MRAP2: variants seen among roughly 807,000 people sequenced by gnomAD.
MRAP2 encodes melanocortin-2 receptor accessory protein 2.
A neutral mutation model predicts 17.4 loss-of-function variants in MRAP2; 20 were observed. The ratio of observed to expected loss-of-function variants is 1.15; its 90% confidence interval spans 0.81 to 1.67. The LOEUF (loss-of-function observed/expected upper bound fraction) is 1.67. MRAP2 is among the 40% of genes most tolerant of loss of function. The pLI, the probability that MRAP2 is intolerant of heterozygous loss-of-function variation, is 0.00. For synonymous variants in MRAP2, 96 were observed against 88.4 expected, an observed-to-expected ratio of 1.09 and a Z score of -0.48; for missense variants, 238 against 240.0, an observed-to-expected ratio of 0.99 and a Z score of 0.05.
intron 3 of MRAP2, among the ~76,000 whole-genome samples, chr6:84,072,208 T>A (rs1460591767): frequency 6.6e-6 from 1 of 152,214 alleles, no homozygotes. Flanking sequence ...GTAGGCTCTG[T>A]CAGAGGGAAA....
chr6:84,056,593 G>A (rs2099491772), intron 2 of MRAP2, among the ~76,000 whole-genome samples: 1 of 152,192 alleles, frequency 6.6e-6, no homozygotes, highest in Admixed American at 6.5e-5. Context: ...GCTGTTGGGT[G>A]TGAAATCACC....
the MRAP2 span, among the ~76,000 whole-genome samples, chr6:84,145,348 A>G: frequency 6.6e-6 from 1 of 152,158 alleles, no homozygotes; most frequent in South Asian, 2.1e-4. Context: ...AGTTCCAGCA[A>G]AACAGACTTA....
At chr6:84,105,466 T>A in the MRAP2 span, among the ~76,000 whole-genome samples, 637 of 152,252 alleles carry the variant, frequency 4.2e-3, 3 homozygotes, top group Non-Finnish European at 5.4e-3. Flanking sequence ...TCAGATCTCA[T>A]GAGACTTATT....
At chr6:84,066,540 A>C (rs2099494744) in intron 3 of MRAP2, among the ~76,000 whole-genome samples, 1 of 152,156 alleles carries the variant, frequency 6.6e-6, no homozygotes, top group Non-Finnish European at 1.5e-5. Context: ...ACTAATTTTA[A>C]GTTTGCCTAT....
intron 1 of MRAP2, among the ~76,000 whole-genome samples, chr6:84,040,417 C>A (rs1290818325): frequency 6.6e-6 from 1 of 152,074 alleles, no homozygotes; most frequent in East Asian, 1.9e-4. Context: ...TTAAAGATAC[C>A]AGAAAATGTG....
the MRAP2 span, among the ~76,000 whole-genome samples, chr6:84,144,086 A>G: frequency 2.0e-3 from 311 of 152,116 alleles, no homozygotes; most frequent in African/African-American, 7.3e-3. Flanking sequence ...ACTTCCTCAA[A>G]TCAAATTATA....
chr6:84,117,879 CTTG>C, the MRAP2 span, among the ~76,000 whole-genome samples: 2 of 152,196 alleles, frequency 1.3e-5, no homozygotes, highest in African/African-American at 4.8e-5. Context: ...GGAATACTGA[CTTG>C]TTGTTGGGCC....
At chr6:84,139,226 G>A in the MRAP2 span, among the ~76,000 whole-genome samples, 17 of 152,304 alleles carry the variant, frequency 1.1e-4, no homozygotes, top group Middle Eastern at 3.4e-3. Flanking sequence ...AGAGGAATCT[G>A]CAGTACTCCA....
intron 3 of MRAP2, among the ~76,000 whole-genome samples, chr6:84,083,173 A>G (rs1433245434): frequency 6.6e-6 from 1 of 152,190 alleles, no homozygotes; most frequent in Non-Finnish European, 1.5e-5. Context: ...AAATCCCTCT[A>G]CACAAAAGTA....
intron 3 of MRAP2, among the ~76,000 whole-genome samples, chr6:84,080,881 T>G (rs1029735791): frequency 1.3e-5 from 2 of 152,240 alleles, no homozygotes; most frequent in Non-Finnish European, 2.9e-5. Flanking sequence ...GTGAGACTTG[T>G]TGTAACTATG....
intron 1 of MRAP2, 61 bp from the exon 2 acceptor site, chr6:84,055,251 G>GTAAC (rs2099491390): frequency 6.5e-7 from 1 of 1,549,918 alleles, no homozygotes; most frequent in African/African-American, 1.4e-5. Flanking sequence ...AGTAATTAAG[G>GTAAC]TAACTGTGCA....
At chr6:84,108,113 G>C in the MRAP2 span, among the ~76,000 whole-genome samples, 1,007 of 152,210 alleles carry the variant, frequency 6.6e-3, 8 homozygotes, top group African/African-American at 0.023. Flanking sequence ...GGTCCTGTGG[G>C]GATATGATGA....
intron 1 of MRAP2, among the ~76,000 whole-genome samples, chr6:84,041,254 G>A (rs1054574568): frequency 1.3e-5 from 2 of 152,236 alleles, no homozygotes; most frequent in African/African-American, 2.4e-5. Flanking sequence ...GTCAAGAATT[G>A]AGGTTTGGGA....
intron 3 of MRAP2, among the ~76,000 whole-genome samples, chr6:84,083,877 G>A (rs912140153): frequency 5.9e-5 from 9 of 152,080 alleles, no homozygotes; most frequent in South Asian, 4.2e-4. Flanking sequence ...TCTCGCTTTC[G>A]TCTGGATATT....
the MRAP2 span, among the ~76,000 whole-genome samples, chr6:84,121,077 A>ATTTT: frequency 7.0e-6 from 1 of 141,892 alleles, no homozygotes; most frequent in Non-Finnish European, 1.5e-5. Context: ...TTATTTTTTA[A>ATTTT]TTTTTTTTTT....
the MRAP2 span, among the ~76,000 whole-genome samples, chr6:84,141,613 G>A: frequency 6.6e-6 from 1 of 152,132 alleles, no homozygotes; most frequent in South Asian, 2.1e-4. Context: ...ATGCCCAGCT[G>A]CCTACTAACT....
At chr6:84,113,864 GA>G in the MRAP2 span, among the ~76,000 whole-genome samples, 1 of 152,202 alleles carries the variant, frequency 6.6e-6, no homozygotes, top group Non-Finnish European at 1.5e-5. Context: ...GGCTAGAAAT[GA>G]AATTCTGGCT....
the MRAP2 span, among the ~76,000 whole-genome samples, chr6:84,098,283 A>G: frequency 6.6e-6 from 1 of 152,160 alleles, no homozygotes; most frequent in Admixed American, 6.5e-5. Context: ...GTGTGTATCA[A>G]TAGTTCATTC....
rs1269154979 is a variant in MRAP2, at chr6:84,063,320, A to C, written c.227+328A>C. 3 of 985,020 alleles carry C rather than the reference A, an allele frequency of 3.0e-6. No homozygotes were observed. In the African/African-American group the frequency reaches 5.2e-5, roughly 17 times the overall value. The allele number at this position is 985,020 out of a possible 1,614,324, so 61.0% of individuals were successfully genotyped here. On this transcript the variant is annotated intron_variant, in intron 3 of 3. Transcript: ENST00000257776. ...TTTATTCATATTCCCAAAAGGATTT[A>C]GATGATTCACCATATTAAAAACAGT...
Sources: allele counts gnomAD v4.1 joint callset (sites outside exome capture counted in the v4.1 genomes callset), GRCh38; gene constraint gnomAD v4.1.1; transcripts MANE v1.5; gene names NCBI Gene and HGNC (gene_info 2026-07-23, HGNC 2026-07-21).